The following TMBIM4 variants were observed in gnomAD, a reference collection of about 807,000 sequenced individuals.
TMBIM4 encodes transmembrane BAX inhibitor motif containing 4.
TMBIM4 carries 28 observed loss-of-function variants against 27.7 expected under a neutral mutation model. The observed-to-expected ratio is 1.01, with a 90% confidence interval of 0.75 to 1.38. The LOEUF (loss-of-function observed/expected upper bound fraction) is 1.38, where lower values mean the gene tolerates loss of function less well. Ranked by LOEUF, TMBIM4 falls within the 40% of genes most tolerant of loss-of-function variation. The pLI, the probability that TMBIM4 is intolerant of heterozygous loss-of-function variation, is 0.00. For synonymous variants in TMBIM4, 115 were observed against 113.1 expected, an observed-to-expected ratio of 1.02 and a Z score of -0.11; for missense variants, 265 against 277.5, an observed-to-expected ratio of 0.95 and a Z score of 0.32.
At chr12:66,160,350 CTATCATTTCACTTCCAAAAATT>C in intron 1 of TMBIM4, 1 of 591,016 alleles carries the variant, frequency 1.7e-6, no homozygotes, top group Non-Finnish European at 3.1e-6. Context: ...TCTTTTGACT[CTATCATTTCACTTCCAAAAATT>C]TATAGTAAAG....
chr12:66,151,577 AT>A, intron 3 of TMBIM4, among the ~76,000 whole-genome samples: 1 of 152,276 alleles, frequency 6.6e-6, no homozygotes, highest in Non-Finnish European at 1.5e-5. Flanking sequence ...TCTGAAGTAA[AT>A]TTTTAGGTTA....
intron 1 of TMBIM4, chr12:66,169,183 A>C (rs1385947660): frequency 8.9e-6 from 6 of 677,926 alleles, no homozygotes; most frequent in Non-Finnish European, 1.6e-5. Flanking sequence ...AAATGACCAA[A>C]CTAGAGCAGG....
chr12:66,163,892 G>T (rs912830920), intron 1 of TMBIM4, among the ~76,000 whole-genome samples: 2 of 152,200 alleles, frequency 1.3e-5, no homozygotes, highest in Non-Finnish European at 2.9e-5. Context: ...AAACTGCAGA[G>T]CAATGTCCCT....
chr12:66,169,182 A>G, intron 1 of TMBIM4: 2 of 677,340 alleles, frequency 3.0e-6, no homozygotes, highest in Non-Finnish European at 5.4e-6. Context: ...CAAATGACCA[A>G]ACTAGAGCAG....
intron 1 of TMBIM4, among the ~76,000 whole-genome samples, chr12:66,155,114 G>A (rs2051909916): frequency 6.6e-6 from 1 of 152,092 alleles, no homozygotes; most frequent in Non-Finnish European, 1.5e-5. Context: ...ATATACTACT[G>A]GCATGGACAA....
At chr12:66,155,530 A>G (rs553120258) in intron 1 of TMBIM4, among the ~76,000 whole-genome samples, 2 of 152,178 alleles carry the variant, frequency 1.3e-5, no homozygotes, top group African/African-American at 4.8e-5. Context: ...ATGGGGTTTT[A>G]CCACATTCCC....
intron 1 of TMBIM4, chr12:66,168,771 C>T (rs1331994322): frequency 6.5e-6 from 1 of 152,686 alleles, no homozygotes; most frequent in East Asian, 1.9e-4. Context: ...GGGACCTGCC[C>T]AATTCGCAAA....
At chr12:66,152,601 G>A (rs1277063334) in intron 2 of TMBIM4, among the ~76,000 whole-genome samples, 1 of 151,938 alleles carries the variant, frequency 6.6e-6, no homozygotes, top group African/African-American at 2.4e-5. Context: ...ATGAATGGGG[G>A]AAACTTTTTC....
rs144849362 is a variant in TMBIM4, at chr12:66,146,784, T to C, written c.347-826A>G. ...CTTTCTATCATTAAATGCTACATGA[T>C]TGGAATTTCTCTGTTTATGCCATTA... On this transcript the variant is annotated intron_variant, in intron 4 of 6. Transcript: ENST00000358230. 6.0e-4 allele frequency among the ~76,000 whole-genome samples: 91 copies of C among 152,286 alleles called. 1 individual carries two copies. In the Middle Eastern group the frequency reaches 0.02, roughly 34 times the overall value.
intron 1 of TMBIM4, among the ~76,000 whole-genome samples, chr12:66,158,350 A>G (rs2051977774): frequency 6.6e-6 from 1 of 151,658 alleles, no homozygotes; most frequent in South Asian, 2.1e-4. Context: ...TGCCTCAAAA[A>G]AACATTCAGG....
intron 1 of TMBIM4, among the ~76,000 whole-genome samples, chr12:66,166,330 T>G (rs55696393): frequency 0.015 from 2,252 of 151,802 alleles, 33 homozygotes; most frequent in Non-Finnish European, 0.021. Context: ...CTAGGCATGG[T>G]GGCATGTGCC....
At chr12:66,166,112 T>C (rs192058262) in intron 1 of TMBIM4, among the ~76,000 whole-genome samples, 71 of 152,330 alleles carry the variant, frequency 4.7e-4, no homozygotes, top group Non-Finnish European at 3.2e-4. Context: ...TCTAATTTCA[T>C]TCTTTTGAAT....
At chr12:66,169,272 AAC>A (rs1237007864) in intron 1 of TMBIM4, 1 of 699,820 alleles carries the variant, frequency 1.4e-6, no homozygotes, top group Non-Finnish European at 2.6e-6. Context: ...AATAACTTAA[AAC>A]ACAATTTAGA....
At chr12:66,142,821 T>C (rs553684586) in intron 5 of TMBIM4, among the ~76,000 whole-genome samples, 2 of 152,124 alleles carry the variant, frequency 1.3e-5, no homozygotes, top group African/African-American at 2.4e-5. Context: ...AATAAGACAT[T>C]AGGATAGGGC....
At chr12:66,167,202 G>C (rs2052146589) in intron 1 of TMBIM4, among the ~76,000 whole-genome samples, 1 of 152,146 alleles carries the variant, frequency 6.6e-6, no homozygotes, top group Non-Finnish European at 1.5e-5. Flanking sequence ...TTAAACATTT[G>C]TCAAACTCAT....
intron 5 of TMBIM4, among the ~76,000 whole-genome samples, chr12:66,140,885 A>T (rs1323613470): frequency 6.6e-6 from 1 of 152,218 alleles, no homozygotes; most frequent in East Asian, 1.9e-4. Flanking sequence ...GTAGCTCTGT[A>T]TGTGTGGAGG....
chr12:66,163,165 C>T (rs1270329889), intron 1 of TMBIM4, among the ~76,000 whole-genome samples: 1 of 152,174 alleles, frequency 6.6e-6, no homozygotes, highest in Non-Finnish European at 1.5e-5. Flanking sequence ...ATATTCTATC[C>T]CTATCCTTCC....
At chr12:66,169,820 A>G in intron 1 of TMBIM4, 35 bp downstream of exon 1, 1 of 1,480,262 alleles carries the variant, frequency 6.8e-7, no homozygotes. Flanking sequence ...AGTGCAGACA[A>G]GCGGCTGGGA....
intron 5 of TMBIM4, among the ~76,000 whole-genome samples, chr12:66,144,091 T>C (rs974129617): frequency 6.6e-6 from 1 of 152,082 alleles, no homozygotes; most frequent in Non-Finnish European, 1.5e-5. Context: ...ATAGGTATAC[T>C]GTAATCAAGT....
Sources: gnomAD v4.1 joint callset for allele counts (sites outside exome capture counted in the v4.1 genomes callset) on GRCh38, gnomAD v4.1.1 for gene constraint, MANE v1.5 for transcripts, NCBI Gene and HGNC (gene_info 2026-07-23, HGNC 2026-07-21) for gene names.